Variants in CRISPLD1 observed in about 807,000 individuals in gnomAD.
CRISPLD1 encodes the protein cysteine-rich secretory protein LCCL domain-containing 1.
A neutral mutation model predicts 77.5 loss-of-function variants in CRISPLD1; 60 were observed. That is an observed-to-expected ratio of 0.77 (90% CI 0.63 to 0.96). The LOEUF (loss-of-function observed/expected upper bound fraction) is 0.96. Among genes scored for constraint, CRISPLD1 ranks in the 40% least tolerant of loss-of-function variants. CRISPLD1 has a pLI of 0.00. For missense variants in CRISPLD1, 623 were observed against 615.8 expected (o/e 1.01, Z -0.12); for synonymous variants, 195 against 200.1 (o/e 0.97, Z 0.22).
rs747483561 is a variant in CRISPLD1 at position 75,034,336 on chromosome 8, A to G, written c.*2094A>G. 4 of 152,132 alleles carry G rather than the reference A, an allele frequency of 2.6e-5. No individual in the cohort carries two copies. The highest frequency in any genetic ancestry group is 5.9e-5 in the Non-Finnish European group (4 of 67,956). The allele number at this position is 152,132 out of a possible 1,614,324, so 9.4% of individuals were successfully genotyped here. On this transcript the variant is annotated 3_prime_UTR_variant, in exon 15 of 15. Transcript: ENST00000262207. The stretch of plus-strand genomic sequence containing the variant: ...TTAAGATTGCTCTACGAATTAATTG[A>G]CACATTATGTGTGATGTACTTAAAG...
chr8:75,030,782 CTGTATA>C (rs1813325381), intron 14 of CRISPLD1, among the ~76,000 whole-genome samples: 1 of 133,078 alleles, frequency 7.5e-6, no homozygotes. Context: ...ATGTGTGTGA[CTGTATA>C]TATGTGTGAG....
chr8:75,015,238 C>CT (rs1023004693), intron 6 of CRISPLD1, among the ~76,000 whole-genome samples: 1 of 151,966 alleles, frequency 6.6e-6, no homozygotes, highest in African/African-American at 2.4e-5. Flanking sequence ...TAACTGTCAT[C>CT]TTTTTTTAAA....
chr8:75,015,237 T>C (rs1047008084), intron 6 of CRISPLD1, among the ~76,000 whole-genome samples: 9 of 152,270 alleles, frequency 5.9e-5, no homozygotes, highest in African/African-American at 1.9e-4. Flanking sequence ...ATAACTGTCA[T>C]CTTTTTTTAA....
chr8:75,024,254 C>T (rs1813194189), intron 12 of CRISPLD1, among the ~76,000 whole-genome samples: 1 of 152,132 alleles, frequency 6.6e-6, no homozygotes, highest in South Asian at 2.1e-4. Context: ...GTCATTTACT[C>T]TGAATGTGAT....
In CRISPLD1 at chr8:75,012,463, G is replaced by T; in HGVS notation, c.289G>T (p.Glu97Ter). The change falls in exon 3 of 15, where the codon GAA becomes TAA. Residue 97 changes from glutamate (E) to a stop codon, truncating the protein, a stop_gained. Transcript: ENST00000262207. LOFTEE classifies it high-confidence loss of function. ...TWDVELERSA[E>*]SWAESCLWEH... Reference sequence around the variant, plus strand: ...GGATGTAGAGCTGGAAAGATCTGCAGAATCCTGGGCTGAAAGTTGCTTGTG... The same window carrying T: ...GGATGTAGAGCTGGAAAGATCTGCATAATCCTGGGCTGAAAGTTGCTTGTG... 6.2e-7 allele frequency: 1 copy of T among 1,613,072 alleles called. No individual in the cohort carries two copies. The highest frequency in any genetic ancestry group is 1.1e-5 in the South Asian group (1 of 91,060).
At chr8:75,016,086 C>CT (rs1198465968) in intron 6 of CRISPLD1, among the ~76,000 whole-genome samples, 3 of 152,114 alleles carry the variant, frequency 2.0e-5, no homozygotes, top group Non-Finnish European at 4.4e-5. Flanking sequence ...GAAAAAAACT[C>CT]TATGGACATG....
chr8:75,018,306 G>C (rs909607070), intron 10 of CRISPLD1, among the ~76,000 whole-genome samples: 3 of 135,566 alleles, frequency 2.2e-5, no homozygotes, highest in Admixed American at 2.2e-4. Context: ...TTTGTTTTTT[G>C]TCACCCAGAC....
chr8:75,024,448 C>T (rs1813198388), intron 12 of CRISPLD1, among the ~76,000 whole-genome samples: 1 of 152,116 alleles, frequency 6.6e-6, no homozygotes, highest in South Asian at 2.1e-4. Context: ...CCATCAGCCT[C>T]CCAAGTAGTG....
In CRISPLD1 at chr8:75,014,802, T is replaced by A; in HGVS notation, c.627-10T>A. 2 of 1,589,906 alleles carry A rather than the reference T, an allele frequency of 1.3e-6. No homozygotes were observed. The highest frequency in any genetic ancestry group is 8.6e-7 in the Non-Finnish European group (1 of 1,164,274). The stretch of plus-strand genomic sequence containing the variant: ...GACTACTTTTTAATAGAGCGTATCA[T>A]CTCTTAAAGGGGAAACTGGTGGGGC... On this transcript the variant is annotated splice_polypyrimidine_tract_variant and intron_variant, in intron 5 of 14. Transcript: ENST00000262207.
intron 2 of CRISPLD1, among the ~76,000 whole-genome samples, chr8:75,005,844 C>A (rs984820273): frequency 6.6e-6 from 1 of 152,182 alleles, no homozygotes; most frequent in African/African-American, 2.4e-5. Flanking sequence ...TAGATCCGGA[C>A]TTCCAGCATA....
chr8:75,019,801 A>G, intron 10 of CRISPLD1, 69 bp from the exon 11 acceptor site: 1 of 1,245,636 alleles, frequency 8.0e-7, no homozygotes, highest in Non-Finnish European at 1.2e-6. Flanking sequence ...GACTTGAAAG[A>G]TACCAGAAAT....
At chr8:74,992,309 T>C (rs184319172) in intron 2 of CRISPLD1, among the ~76,000 whole-genome samples, 23 of 152,310 alleles carry the variant, frequency 1.5e-4, no homozygotes, top group African/African-American at 5.5e-4. Context: ...ATTTTTTCCC[T>C]AGTTTTTCAA....
At chr8:75,022,521 G>C (rs1043853515) in intron 12 of CRISPLD1, among the ~76,000 whole-genome samples, 3 of 151,070 alleles carry the variant, frequency 2.0e-5, no homozygotes, top group Non-Finnish European at 4.4e-5. Flanking sequence ...CCGGGAGGCC[G>C]AGCTTGCAGT....
rs1397012880 is a variant in CRISPLD1 at position 75,017,227 on chromosome 8, A to G, written c.997-93A>G. Reference sequence around the variant, plus strand: ...ATAGATATTTTGCTCAGAAATGTTTATTTAATTGAAAGTCACATAAGTGGT... The same window carrying G: ...ATAGATATTTTGCTCAGAAATGTTTGTTTAATTGAAAGTCACATAAGTGGT... On this transcript the variant is annotated intron_variant, in intron 9 of 14. Coordinates refer to ENST00000262207, the MANE Select transcript of CRISPLD1 (RefSeq NM_031461.6). 72 of 1,547,484 alleles carry G rather than the reference A, an allele frequency of 4.7e-5. No homozygotes were observed. The South Asian group carries it at 7.5e-4, about 16-fold the overall frequency.
intron 2 of CRISPLD1, among the ~76,000 whole-genome samples, chr8:74,996,709 C>CTTTTT (rs1178454369): frequency 1.2e-4 from 9 of 73,350 alleles, no homozygotes; most frequent in Non-Finnish European, 2.3e-4. Flanking sequence ...GAGCCAGAAT[C>CTTTTT]TTTTTTTTTT....
intron 11 of CRISPLD1, 27 bp downstream of exon 11, chr8:75,019,940 T>A: frequency 6.2e-7 from 1 of 1,610,970 alleles, no homozygotes; most frequent in East Asian, 2.2e-5. Context: ...TCTTATTTTC[T>A]TAGTACTGTG....
intron 13 of CRISPLD1, chr8:75,026,485 G>A (rs1813237962): frequency 6.6e-6 from 1 of 152,208 alleles, no homozygotes; most frequent in Non-Finnish European, 1.5e-5. Context: ...AGATAGCTTT[G>A]TCTCTAAGCT....
intron 2 of CRISPLD1, among the ~76,000 whole-genome samples, chr8:74,993,212 G>T (rs1812599656): frequency 6.6e-6 from 1 of 152,022 alleles, no homozygotes; most frequent in South Asian, 2.1e-4. Context: ...ATATTTTATT[G>T]CAATTAAGGT....
In CRISPLD1 at chr8:75,021,683, T is replaced by C. The variant is rs139528563; in HGVS notation, c.1244+1604T>C. ...GATTAGATCATTGTTTGCTCTGTAG[T>C]CTTAGTCAATTTTGGAGAAATATTT... is the stretch of plus-strand genomic sequence containing the variant. On this transcript the variant is annotated intron_variant, in intron 12 of 14. Transcript: ENST00000262207. Among the ~76,000 whole-genome samples, 1,347 of 152,270 alleles carry C rather than the reference T, an allele frequency of 8.8e-3. 17 individuals are homozygous for C. Among genetic ancestry groups the C allele is most frequent in the African/African-American group, 0.03 (1,264 of 41,536 alleles).
Sources: gnomAD v4.1 joint callset for allele counts (sites outside exome capture counted in the v4.1 genomes callset) on GRCh38, gnomAD v4.1.1 for gene constraint, MANE v1.5 for transcripts, NCBI Gene and HGNC (gene_info 2026-07-23, HGNC 2026-07-21) for gene names.